Variants in ARHGAP39 observed in about 807,000 individuals in gnomAD.
ARHGAP39 encodes the protein rho GTPase-activating protein 39.
Under a neutral mutation model 106.9 loss-of-function variants are expected in ARHGAP39, and 44 were observed. That is an observed-to-expected ratio of 0.41 (90% CI 0.32 to 0.53). The LOEUF (loss-of-function observed/expected upper bound fraction) is 0.53, where lower values mean the gene tolerates loss of function less well. Among genes scored for constraint, ARHGAP39 ranks in the 20% least tolerant of loss-of-function variants. The pLI is 0.21. For synonymous variants in ARHGAP39, 768 were observed against 693.2 expected (o/e 1.11, Z -1.69); for missense variants, 1,496 against 1,577.3 (o/e 0.95, Z 0.87).
intron 1 of ARHGAP39, among the ~76,000 whole-genome samples, chr8:144,673,739 A>C (rs1390561202): frequency 6.6e-6 from 1 of 152,212 alleles, no homozygotes; most frequent in African/African-American, 2.4e-5. Flanking sequence ...TCAGGCCGGC[A>C]GACTGCTCTC....
In ARHGAP39 at chr8:144,564,854, C is replaced by T. The variant is rs113200966; in HGVS notation, c.513-9211G>A. 4.9e-3 allele frequency among the ~76,000 whole-genome samples: 734 copies of T among 150,204 alleles called. 6 individuals carry two copies. Among genetic ancestry groups the T allele is most frequent in the African/African-American group, 0.013 (535 of 40,862 alleles). On this transcript the variant is annotated intron_variant, in intron 3 of 11. Transcript: ENST00000377307. The stretch of plus-strand genomic sequence containing the variant: ...CAGGCATGGTGACTCAGCCTGTAAT[C>T]CCAGCACTTTGGGAGGCCAAGATGG...
intron 1 of ARHGAP39, among the ~76,000 whole-genome samples, chr8:144,608,136 G>A (rs1219583434): frequency 1.1e-4 from 13 of 122,952 alleles, no homozygotes; most frequent in African/African-American, 4.0e-4. Context: ...CAGCCTGGGC[G>A]ACAGAGCAAG....
At chr8:144,601,738 T>C (rs1467058767) in intron 2 of ARHGAP39, among the ~76,000 whole-genome samples, 2 of 139,996 alleles carry the variant, frequency 1.4e-5, no homozygotes, top group South Asian at 2.4e-4. Context: ...TGTGTGTGCG[T>C]GGAGGCGTGT....
chr8:144,536,166 C>T (rs1472490634), intron 7 of ARHGAP39, among the ~76,000 whole-genome samples: 1 of 152,308 alleles, frequency 6.6e-6, no homozygotes, highest in African/African-American at 2.4e-5. Flanking sequence ...CTTGCCTGGA[C>T]CTCAGCCCTC....
At chr8:144,597,373 A>C (rs1304041585) in intron 2 of ARHGAP39, among the ~76,000 whole-genome samples, 1 of 152,190 alleles carries the variant, frequency 6.6e-6, no homozygotes, top group Non-Finnish European at 1.5e-5. Context: ...TCCTGTCTCC[A>C]TCTAGAAGAG....
Position 144,645,195 on chromosome 8 carries a change from G to A in ARHGAP39, c.-81-39500C>T, listed in dbSNP as rs1019704219. ...CATACTCAGAGCTGCAGATGCCAGT[G>A]CAACCATGTGGAGAAGAAGCTGGAT... On this transcript the variant is annotated intron_variant, in intron 1 of 11. Transcript: ENST00000377307. This position sits in a 1 kb window ranked among gnomAD's most constrained non-coding sequence, Gnocchi z 4.4. 6.6e-6 allele frequency among the ~76,000 whole-genome samples: 1 copy of A among 152,258 alleles called. No individual in the cohort carries two copies. Among genetic ancestry groups the A allele is most frequent in the African/African-American group, 2.4e-5 (1 of 41,468 alleles).
In ARHGAP39 at chr8:144,548,315, G is replaced by A. The variant is rs754745247; in HGVS notation, c.771C>T (p.Phe257=). The change falls in exon 5 of 12, where the codon TTC becomes TTT. Residue 257 remains phenylalanine, a synonymous_variant. Coordinates refer to ENST00000377307, the MANE Select transcript of ARHGAP39 (RefSeq NM_025251.3). This position sits in a 1 kb window ranked among gnomAD's most constrained non-coding sequence, Gnocchi z 7.4. ...AGATGGTGCCGTCAGCCTCCGGGGC[G>A]AAGGTCTGCAGGCTGGGTGAGTGCT... is the stretch of plus-strand genomic sequence containing the variant. ...GSQHSPSLQT[F]APEADGTIFF... 3.1e-6 allele frequency: 5 copies of A among 1,608,770 alleles called. No homozygotes were observed. The African/African-American group carries it at 5.3e-5, about 17-fold the overall frequency.
chr8:144,659,868 G>A (rs111243536), intron 1 of ARHGAP39, among the ~76,000 whole-genome samples: 3 of 152,200 alleles, frequency 2.0e-5, no homozygotes, highest in African/African-American at 7.2e-5. Context: ...GCTACCCTTT[G>A]AACTCCTCAT....
intron 1 of ARHGAP39, among the ~76,000 whole-genome samples, chr8:144,665,954 G>C (rs1821952800): frequency 6.6e-6 from 1 of 152,212 alleles, no homozygotes; most frequent in Non-Finnish European, 1.5e-5. Context: ...GCCTGGAAAA[G>C]CTGCAGACAC....
At position 144,547,588 on chromosome 8, in the gene ARHGAP39, A is replaced by G. The variant is rs1184913165; in HGVS notation, c.1498T>C (p.Ser500Pro). 6.8e-7 allele frequency: 1 copy of G among 1,476,016 alleles called. No homozygotes were observed. The highest frequency in any genetic ancestry group is 1.4e-5 in the African/African-American group (1 of 71,648). 91.4% of individuals were successfully genotyped at this position (1,476,016 alleles called of 1,614,324 possible). A position where few individuals can be genotyped will look rare whatever the true frequency, so the allele number is the denominator to read the frequency against. Residue 500 changes from serine to proline, a missense_variant, in exon 5 of 12, where the codon TCT (serine) becomes CCT (proline). Ser to Pro is a moderately conservative substitution (Grantham distance 74, BLOSUM62 -1). This residue lies in a region of ARHGAP39 where 905 missense variants were observed against 816.4 expected (regional missense o/e 1.11). Transcript: ENST00000377307. The surrounding 1 kb of genome is among the most constrained non-coding windows in gnomAD (Gnocchi z 5.2). ...GTGGCGCTGGTGGCTTGGCACAAAG[A>G]GGGCTTTCTGCTCTTCCGCTTGCGC... is the stretch of plus-strand genomic sequence containing the variant. ...GTRKRKSRKPSLCQATSATPT... is the reference protein window; with the variant it reads ...GTRKRKSRKPPLCQATSATPT...
chr8:144,582,700 CG>C (rs1244727455), intron 2 of ARHGAP39, among the ~76,000 whole-genome samples: 1 of 152,084 alleles, frequency 6.6e-6, no homozygotes, highest in Non-Finnish European at 1.5e-5. Context: ...GAGGATGAGG[CG>C]GGTGGGACTG....
At chr8:144,638,739 C>T (rs894422909) in intron 1 of ARHGAP39, among the ~76,000 whole-genome samples, 3 of 152,178 alleles carry the variant, frequency 2.0e-5, no homozygotes, top group Admixed American at 6.5e-5. Context: ...CCTCAATTTT[C>T]GAGACTTTTG....
intron 1 of ARHGAP39, among the ~76,000 whole-genome samples, chr8:144,612,076 T>C (rs1476651202): frequency 6.6e-6 from 1 of 151,380 alleles, no homozygotes; most frequent in Admixed American, 6.6e-5. Flanking sequence ...AAAGTTGCAG[T>C]GAGCCACGGC....
intron 4 of ARHGAP39, among the ~76,000 whole-genome samples, chr8:144,550,178 G>A (rs1817639830): frequency 6.6e-6 from 1 of 152,190 alleles, no homozygotes; most frequent in Non-Finnish European, 1.5e-5. Flanking sequence ...GGAAGCTGGG[G>A]TGGGAGGATC....
rs745633964 is a variant in ARHGAP39 at position 144,607,225 on chromosome 8, G to C, written c.-81-1530C>G. ...CGCTCCAGCCTGGGCGACAGAGCGAGACATTGTCTCAAAAAAAAAAAAAAA... is the reference window on the plus strand; with the variant it reads ...CGCTCCAGCCTGGGCGACAGAGCGACACATTGTCTCAAAAAAAAAAAAAAA... On this transcript the variant is annotated intron_variant, in intron 1 of 11. Transcript: ENST00000377307. Among the ~76,000 whole-genome samples the C allele has an allele frequency of 7.0e-4, 82 of 117,056 alleles. 1 individual carries two copies. The highest frequency in any genetic ancestry group is 1.1e-3 in the Non-Finnish European group (66 of 61,976). 76.8% of individuals were successfully genotyped at this position (117,056 alleles called of 152,430 possible).
At chr8:144,543,832 A>T in intron 6 of ARHGAP39, 1 of 150,798 alleles carries the variant, frequency 6.6e-6, no homozygotes, top group Non-Finnish European at 1.5e-5. Context: ...GGCCCAAGAA[A>T]CCTCAGGCCT....
intron 7 of ARHGAP39, 38 bp from the exon 8 acceptor site, chr8:144,534,240 G>A: frequency 1.2e-6 from 2 of 1,607,112 alleles, no homozygotes; most frequent in Non-Finnish European, 1.7e-6. Context: ...TGATGTGGGT[G>A]TGTGGGTGTG....
At position 144,605,573 on chromosome 8, in the gene ARHGAP39, G is replaced by C; in HGVS notation, c.42C>G (p.Val14=). Residue 14 remains valine (V), a synonymous_variant, in exon 2 of 12, where the codon GTC becomes GTG. Transcript: ENST00000377307. ...TQDYECRSHN[V]DLPESRIPGS... ...CTGGAATCCTCGACTCCGGCAGGTC[G>C]ACATTATGGCTCCTGCACTCGTAGT... 1 of 1,613,894 alleles carries C rather than the reference G, an allele frequency of 6.2e-7. No homozygotes were observed. The highest frequency in any genetic ancestry group is 8.5e-7 in the Non-Finnish European group (1 of 1,180,026).
chr8:144,587,545 C>T (rs943892875), intron 2 of ARHGAP39, among the ~76,000 whole-genome samples: 1 of 152,076 alleles, frequency 6.6e-6, no homozygotes, highest in Admixed American at 6.5e-5. Context: ...ACAGGATAGT[C>T]AGAGGACAAA....
Sources: allele counts gnomAD v4.1 joint callset (sites outside exome capture counted in the v4.1 genomes callset), GRCh38; gene constraint gnomAD v4.1.1; regional missense constraint gnomAD v4.1.1; non-coding constraint Gnocchi (gnomAD v3.1); transcripts MANE v1.5; gene names NCBI Gene and HGNC (gene_info 2026-07-23, HGNC 2026-07-21).